The following VWC2 variants were observed in gnomAD, a reference collection of about 807,000 sequenced individuals.
VWC2 encodes the protein von Willebrand factor C domain containing 2.
Under a neutral mutation model 29.8 loss-of-function variants are expected in VWC2, and 14 were observed. That is an observed-to-expected ratio of 0.47 (90% CI 0.31 to 0.74). The LOEUF is 0.74. VWC2 is among the 30% of genes least tolerant of loss of function. VWC2 has a pLI of 0.05. For synonymous variants in VWC2, 213 were observed against 199.0 expected (o/e 1.07, Z -0.59); for missense variants, 457 against 459.8 (o/e 0.99, Z 0.05).
Position 49,830,494 on chromosome 7 carries a change from T to C in VWC2, c.826+27654T>C, listed in dbSNP as rs547422897. ...GGTAATTTTCCTGGGCTAGTTTTAT[T>C]TAACGCTACTCTTTCAGGTTTTCTC... On this transcript the variant is annotated intron_variant, in intron 3 of 3. Coordinates refer to ENST00000340652, the MANE Select transcript of VWC2 (RefSeq NM_198570.5). Among the ~76,000 whole-genome samples, 14 of 152,330 alleles carry C rather than the reference T, an allele frequency of 9.2e-5. No homozygotes were observed. In the South Asian group the frequency reaches 2.9e-3, roughly 32 times the overall value.
At chr7:49,821,220 A>C (rs1350521540) in intron 3 of VWC2, among the ~76,000 whole-genome samples, 1 of 152,246 alleles carries the variant, frequency 6.6e-6, no homozygotes, top group Non-Finnish European at 1.5e-5. Flanking sequence ...TTTAATATGC[A>C]CAGTTTGCCC....
intron 3 of VWC2, among the ~76,000 whole-genome samples, chr7:49,823,927 A>G (rs1789329089): frequency 6.6e-6 from 1 of 151,614 alleles, no homozygotes; most frequent in Non-Finnish European, 1.5e-5. Flanking sequence ...TCTTTGGCTC[A>G]TTCTTTATTG....
rs1354143581 is a variant in VWC2 at position 49,918,647 on chromosome 7, A to G, written c.*6462A>G. The G allele has an allele frequency of 6.6e-6, 1 of 152,224 alleles. No individual in the cohort carries two copies. The highest frequency in any genetic ancestry group is 1.5e-5 in the Non-Finnish European group (1 of 68,030). 9.4% of individuals were successfully genotyped at this position (152,224 alleles called of 1,614,324 possible). ...CTGGAGCCAAGAGAAGTAAACTGCCATTTATTAGGTGATGATTATAGGGCA... is the reference window on the plus strand; with the variant it reads ...CTGGAGCCAAGAGAAGTAAACTGCCGTTTATTAGGTGATGATTATAGGGCA... On this transcript the variant is annotated 3_prime_UTR_variant, in exon 4 of 4. Coordinates refer to ENST00000340652, the MANE Select transcript of VWC2 (RefSeq NM_198570.5).
In VWC2 at chr7:49,890,730, CAAA is replaced by C. The variant is rs150953956; in HGVS notation, c.827-21292_827-21290del. On this transcript the variant is annotated intron_variant, in intron 3 of 3. Transcript: ENST00000340652. ...ACACACATTAAAACACAAAGCAAAA[CAAA>C]AAAAAAAAAAACTGATTTGAAAGCA... Among the ~76,000 whole-genome samples, 1,148 of 145,546 alleles carry C rather than the reference CAAA, an allele frequency of 7.9e-3. 14 individuals carry two copies. Among genetic ancestry groups the C allele is most frequent in the African/African-American group, 0.025 (997 of 39,982 alleles).
At chr7:49,901,484 G>A (rs1037058717) in intron 3 of VWC2, among the ~76,000 whole-genome samples, 1 of 150,894 alleles carries the variant, frequency 6.6e-6, no homozygotes, top group East Asian at 1.9e-4. Context: ...GAAATACTTA[G>A]GTATAAAATT....
Position 49,775,513 on chromosome 7 carries a change from G to A in VWC2, c.78G>A (p.Leu26=). The change falls in exon 2 of 4, where the codon CTG becomes CTA. Residue 26 remains leucine (L), a synonymous_variant. Transcript: ENST00000340652. ...TCACCTGCTGCCTGATGGTGGCTCT[G>A]TGCAGTCCGAGCATCCCGCTGGAGA... ...LLVTCCLMVA[L]CSPSIPLEKL... The A allele has an allele frequency of 6.3e-7, 1 of 1,577,434 alleles. No homozygotes were observed.
intron 3 of VWC2, among the ~76,000 whole-genome samples, chr7:49,815,129 C>T (rs140793644): frequency 1.5e-3 from 233 of 152,208 alleles, no homozygotes; most frequent in African/African-American, 5.3e-3. Context: ...AACACTGAGG[C>T]ACTTATTGTT....
intron 3 of VWC2, among the ~76,000 whole-genome samples, chr7:49,822,328 A>AT (rs1273096210): frequency 6.6e-6 from 1 of 152,198 alleles, no homozygotes; most frequent in African/African-American, 2.4e-5. Flanking sequence ...TAGACCTCAC[A>AT]TATAATTAAA....
At chr7:49,875,386 A>C (rs959917592) in intron 3 of VWC2, among the ~76,000 whole-genome samples, 1 of 149,776 alleles carries the variant, frequency 6.7e-6, no homozygotes, top group Admixed American at 6.7e-5. Context: ...AAAAAAAAAA[A>C]AAAAAAAAAA....
intron 3 of VWC2, among the ~76,000 whole-genome samples, chr7:49,884,908 C>A (rs1465451809): frequency 6.6e-6 from 1 of 151,844 alleles, no homozygotes; most frequent in Non-Finnish European, 1.5e-5. Flanking sequence ...AATTCAGAAA[C>A]CTAAAAACTA....
chr7:49,881,161 G>A (rs915866513), intron 3 of VWC2, among the ~76,000 whole-genome samples: 8 of 152,062 alleles, frequency 5.3e-5, no homozygotes, highest in Admixed American at 3.3e-4. Flanking sequence ...CTGAGCCTTC[G>A]GGGCTACTAG....
intron 2 of VWC2, among the ~76,000 whole-genome samples, chr7:49,795,720 T>C (rs1788572476): frequency 6.6e-6 from 1 of 152,218 alleles, no homozygotes. Context: ...TTGTTTTAGA[T>C]CTTGTGTCTT....
At chr7:49,788,539 GTGTA>G (rs1288987596) in intron 2 of VWC2, among the ~76,000 whole-genome samples, 1 of 151,300 alleles carries the variant, frequency 6.6e-6, no homozygotes, top group Non-Finnish European at 1.5e-5. Flanking sequence ...GACAGTGTGA[GTGTA>G]TGTGTAAGTG....
At chr7:49,876,659 A>G (rs1791426076) in intron 3 of VWC2, among the ~76,000 whole-genome samples, 1 of 152,128 alleles carries the variant, frequency 6.6e-6, no homozygotes, top group African/African-American at 2.4e-5. Context: ...GTTTTTTAGA[A>G]GACTTGACAT....
chr7:49,790,077 C>T (rs1788431479), intron 2 of VWC2, among the ~76,000 whole-genome samples: 1 of 152,254 alleles, frequency 6.6e-6, no homozygotes, highest in Admixed American at 6.5e-5. Flanking sequence ...TCATTCTCCT[C>T]CTAGCTGTTC....
intron 3 of VWC2, among the ~76,000 whole-genome samples, chr7:49,820,004 C>T (rs1789230155): frequency 6.6e-6 from 1 of 152,140 alleles, no homozygotes; most frequent in African/African-American, 2.4e-5. Flanking sequence ...TTTGGTCTCT[C>T]ACAATATATT....
intron 3 of VWC2, among the ~76,000 whole-genome samples, chr7:49,885,397 TA>T (rs1202863123): frequency 6.6e-6 from 1 of 152,084 alleles, no homozygotes; most frequent in Non-Finnish European, 1.5e-5. Context: ...ATTATGTTCA[TA>T]AAAATTAAGA....
At chr7:49,869,350 T>G (rs900907608) in intron 3 of VWC2, among the ~76,000 whole-genome samples, 1 of 152,118 alleles carries the variant, frequency 6.6e-6, no homozygotes, top group East Asian at 1.9e-4. Flanking sequence ...CTGAACAAGG[T>G]CTGAAAGGGT....
chr7:49,805,642 G>T (rs1282019994), intron 3 of VWC2, among the ~76,000 whole-genome samples: 6 of 152,130 alleles, frequency 3.9e-5, no homozygotes, highest in Admixed American at 2.6e-4. Context: ...TGAGATTAAT[G>T]AATAATTTAC....
Sources: allele counts gnomAD v4.1 joint callset (sites outside exome capture counted in the v4.1 genomes callset), GRCh38; gene constraint gnomAD v4.1.1; transcripts MANE v1.5; gene names NCBI Gene and HGNC (gene_info 2026-07-23, HGNC 2026-07-21).